CNOT6: variants seen among roughly 807,000 people sequenced by gnomAD.
CNOT6 encodes CCR4-NOT transcription complex subunit 6, also known as carbon catabolite repression 4 protein.
Under a neutral mutation model 61.2 loss-of-function variants are expected in CNOT6, and 12 were observed. That is an observed-to-expected ratio of 0.20 (90% CI 0.13 to 0.32). The LOEUF (loss-of-function observed/expected upper bound fraction) is 0.32. CNOT6 is among the 10% of genes least tolerant of loss of function. The probability of loss-of-function intolerance (pLI) is 1.00; values close to 1 mark genes in which losing one functional copy is unlikely to be tolerated. For missense variants in CNOT6, 405 were observed against 663.9 expected, an observed-to-expected ratio of 0.61 and a Z score of 4.28; for synonymous variants, 225 against 240.6, an observed-to-expected ratio of 0.94 and a Z score of 0.60.
At chr5:180,530,669 CAT>C (rs1443126459) in intron 2 of CNOT6, among the ~76,000 whole-genome samples, 113 of 151,220 alleles carry the variant, frequency 7.5e-4, no homozygotes, top group African/African-American at 2.6e-3. Context: ...AGCAGATAAA[CAT>C]GTGAACAAGG....
intron 4 of CNOT6, among the ~76,000 whole-genome samples, chr5:180,554,172 C>T (rs998544019): frequency 2.5e-4 from 38 of 152,102 alleles, no homozygotes; most frequent in African/African-American, 8.9e-4. Context: ...AATCACAAAA[C>T]TTTGGGAGGC....
chr5:180,577,169 G>GTGTGTGTGTGTGTGTT lies in CNOT6; in HGVS notation c.*2984_*2985insTTGTGTGTGTGTGTGT, dbSNP rs1761041997. The GTGTGTGTGTGTGTGTT allele has an allele frequency of 6.7e-6, 1 of 150,184 alleles. No homozygotes were observed. The highest frequency in any genetic ancestry group is 2.1e-4 in the South Asian group (1 of 4,752). The allele number at this position is 150,184 out of a possible 1,614,324, so 9.3% of individuals were successfully genotyped here. ...GCAGAGAACATCTCCAGAAATGTGTGTGTGTGTGTGTGTGTGTGTGTGTGT... is the reference window on the plus strand; with the variant it reads ...GCAGAGAACATCTCCAGAAATGTGTGTGTGTGTGTGTGTGTTTGTGTGTGTGTGTGTGTGTGTGTGT... On this transcript the variant is annotated 3_prime_UTR_variant, in exon 12 of 12. Coordinates refer to ENST00000261951, the MANE Select transcript of CNOT6 (RefSeq NM_001370472.1).
intron 1 of CNOT6, 69 bp downstream of exon 1, chr5:180,494,832 C>A (rs978243905): frequency 6.6e-6 from 1 of 151,986 alleles, no homozygotes; most frequent in Non-Finnish European, 1.5e-5. Context: ...GGACCGCCCC[C>A]CGTCGGCCGG....
intron 4 of CNOT6, 132 bp downstream of exon 4, chr5:180,553,603 T>A: frequency 1.5e-6 from 1 of 646,384 alleles, no homozygotes; most frequent in Non-Finnish European, 2.7e-6. Context: ...TTCTTAGCTA[T>A]ATCGCAATGG....
intron 1 of CNOT6, among the ~76,000 whole-genome samples, chr5:180,504,996 G>A (rs890851987): frequency 8.9e-6 from 1 of 112,020 alleles, no homozygotes; most frequent in Admixed American, 1.3e-4. Flanking sequence ...GTCTTGCTCT[G>A]TCCCCAGGCT....
chr5:180,569,343 A>G lies in CNOT6; in HGVS notation c.1258+3A>G. The G allele has an allele frequency of 6.4e-7, 1 of 1,572,202 alleles. No individual in the cohort carries two copies. Among genetic ancestry groups the G allele is most frequent in the Non-Finnish European group, 8.7e-7 (1 of 1,143,112 alleles). ...TCTTAATTCTTTGCCAGACTCTGGT[A>G]AGAAAATAATGTGATTTTATGTAGA... On this transcript the variant is annotated splice_donor_region_variant and intron_variant, in intron 10 of 11. Coordinates refer to ENST00000261951, the MANE Select transcript of CNOT6 (RefSeq NM_001370472.1).
chr5:180,536,598 A>G (rs546099560), intron 2 of CNOT6, among the ~76,000 whole-genome samples: 1 of 151,912 alleles, frequency 6.6e-6, no homozygotes, highest in African/African-American at 2.4e-5. Flanking sequence ...GCACACAACC[A>G]TGCCTGGCTT....
At chr5:180,525,603 T>C (rs1758065514) in intron 1 of CNOT6, among the ~76,000 whole-genome samples, 1 of 152,072 alleles carries the variant, frequency 6.6e-6, no homozygotes, top group Admixed American at 6.6e-5. Context: ...ATAATTAAAG[T>C]AGCTTTAACT....
intron 4 of CNOT6, among the ~76,000 whole-genome samples, chr5:180,559,169 T>C (rs1303446411): frequency 1.3e-5 from 2 of 152,230 alleles, no homozygotes; most frequent in Non-Finnish European, 2.9e-5. Flanking sequence ...TCGATGGTAG[T>C]GAGGTTTTTG....
chr5:180,505,547 A>ATT (rs386405833), intron 1 of CNOT6, among the ~76,000 whole-genome samples: 29,611 of 85,624 alleles, frequency 0.35, 6,085 homozygotes, highest in Non-Finnish European at 0.43. Context: ...GTACTAGTTA[A>ATT]TTTTTTTTTT....
intron 1 of CNOT6, among the ~76,000 whole-genome samples, chr5:180,516,075 T>G (rs1054529177): frequency 6.6e-6 from 1 of 152,034 alleles, no homozygotes; most frequent in Non-Finnish European, 1.5e-5. Context: ...CACGCCTGGC[T>G]AATTTTTGTG....
chr5:180,505,020 G>A (rs1024473710), intron 1 of CNOT6, among the ~76,000 whole-genome samples: 1 of 138,838 alleles, frequency 7.2e-6, no homozygotes, highest in African/African-American at 2.6e-5. Flanking sequence ...GTGCAGTGGC[G>A]CGATCTTGAC....
chr5:180,507,883 A>T (rs1757198839), intron 1 of CNOT6, among the ~76,000 whole-genome samples: 1 of 152,198 alleles, frequency 6.6e-6, no homozygotes. Context: ...TGGAGATGCT[A>T]CACACTTTTA....
chr5:180,560,191 C>A (rs951573789), intron 4 of CNOT6, among the ~76,000 whole-genome samples: 6 of 152,116 alleles, frequency 3.9e-5, no homozygotes, highest in African/African-American at 1.4e-4. Context: ...ATGATCCACC[C>A]ACTTCGCCCT....
At chr5:180,505,239 C>T (rs1370646635) in intron 1 of CNOT6, among the ~76,000 whole-genome samples, 61 of 130,534 alleles carry the variant, frequency 4.7e-4, no homozygotes, top group South Asian at 5.0e-4. Context: ...GGATTACAGG[C>T]GGTAATAGTT....
intron 1 of CNOT6, among the ~76,000 whole-genome samples, chr5:180,505,357 G>A (rs1431189245): frequency 8.1e-6 from 1 of 123,892 alleles, no homozygotes; most frequent in East Asian, 2.4e-4. Flanking sequence ...CCAGGTTCAC[G>A]CCATTCTCCT....
At chr5:180,529,448 T>C (rs1333682448) in intron 2 of CNOT6, 60 bp downstream of exon 2, 6 of 907,898 alleles carry the variant, frequency 6.6e-6, no homozygotes, top group Non-Finnish European at 1.1e-5. Context: ...TAAACTGAGT[T>C]TTCTAATGCC....
intron 4 of CNOT6, among the ~76,000 whole-genome samples, chr5:180,559,182 G>A (rs944838258): frequency 2.6e-5 from 4 of 152,094 alleles, no homozygotes; most frequent in Admixed American, 6.5e-5. Context: ...GGTTTTTGTC[G>A]TGTTCTGTCA....
chr5:180,556,701 C>G (rs542932811), intron 4 of CNOT6, among the ~76,000 whole-genome samples: 1 of 152,284 alleles, frequency 6.6e-6, no homozygotes, highest in African/African-American at 2.4e-5. Flanking sequence ...GCCTATAATC[C>G]CAGTACTTTG....
Sources: gnomAD v4.1 joint callset for allele counts (sites outside exome capture counted in the v4.1 genomes callset) on GRCh38, gnomAD v4.1.1 for gene constraint, MANE v1.5 for transcripts, NCBI Gene and HGNC (gene_info 2026-07-23, HGNC 2026-07-21) for gene names.